LRGUK: variants seen among roughly 807,000 people sequenced by gnomAD.
LRGUK encodes the protein leucine-rich repeat and guanylate kinase domain-containing protein.
A neutral mutation model predicts 76.0 loss-of-function variants in LRGUK; 65 were observed. The observed-to-expected ratio is 0.85, with a 90% CI of 0.70 to 1.05. The LOEUF is 1.05. LRGUK is among the 50% of genes least tolerant of loss of function. The pLI, the probability that LRGUK is intolerant of heterozygous loss-of-function variation, is 0.00. For missense variants in LRGUK, 758 were observed against 732.8 expected, an observed-to-expected ratio of 1.03 and a Z score of -0.40; for synonymous variants, 268 against 265.6, an observed-to-expected ratio of 1.01 and a Z score of -0.09.
At chr7:134,153,015 G>A (rs1798292439) in intron 5 of LRGUK, among the ~76,000 whole-genome samples, 1 of 152,048 alleles carries the variant, frequency 6.6e-6, no homozygotes, top group African/African-American at 2.4e-5. Flanking sequence ...ACACAGGGTA[G>A]ATTTAAGTTG....
chr7:134,151,903 A>T (rs983839479), intron 5 of LRGUK, among the ~76,000 whole-genome samples: 1 of 152,090 alleles, frequency 6.6e-6, no homozygotes, highest in Non-Finnish European at 1.5e-5. Flanking sequence ...TTCATAGAGG[A>T]TGTCTACAAA....
At chr7:134,163,361 T>G in intron 6 of LRGUK, 36 bp from the exon 7 acceptor site, 1 of 1,572,426 alleles carries the variant, frequency 6.4e-7, no homozygotes, top group Non-Finnish European at 8.6e-7. Context: ...CCTTGAGAGG[T>G]CTTTGAGACA....
At chr7:134,259,649 G>C (rs986222730) in intron 19 of LRGUK, among the ~76,000 whole-genome samples, 23 of 152,180 alleles carry the variant, frequency 1.5e-4, no homozygotes, top group African/African-American at 5.3e-4. Context: ...AGGATAGCTG[G>C]CTGGAATAAG....
intron 18 of LRGUK, among the ~76,000 whole-genome samples, chr7:134,256,981 G>A (rs909880175): frequency 6.6e-6 from 1 of 152,154 alleles, no homozygotes; most frequent in Non-Finnish European, 1.5e-5. Flanking sequence ...AATCTTTGGG[G>A]TCCCAAGGTG....
At chr7:134,175,561 G>A (rs1347734207) in intron 8 of LRGUK, among the ~76,000 whole-genome samples, 2 of 152,114 alleles carry the variant, frequency 1.3e-5, no homozygotes, top group Non-Finnish European at 2.9e-5. Flanking sequence ...ATCACAAGCC[G>A]TTTGACACAT....
At chr7:134,255,549 T>A (rs959103840) in intron 18 of LRGUK, among the ~76,000 whole-genome samples, 3 of 152,216 alleles carry the variant, frequency 2.0e-5, no homozygotes, top group Non-Finnish European at 2.9e-5. Context: ...AGACATATTT[T>A]TTGTCTGACT....
chr7:134,171,188 C>G (rs1799226957), intron 7 of LRGUK, among the ~76,000 whole-genome samples: 1 of 150,588 alleles, frequency 6.6e-6, no homozygotes, highest in Non-Finnish European at 1.5e-5. Context: ...AAAACCAATA[C>G]TGAGAAGATC....
chr7:134,150,341 A>G (rs1798163500), intron 5 of LRGUK, among the ~76,000 whole-genome samples: 1 of 152,152 alleles, frequency 6.6e-6, no homozygotes, highest in African/African-American at 2.4e-5. Context: ...ACGTGCCTGT[A>G]GTCCCAGCTA....
chr7:134,258,581 C>A lies in LRGUK; in HGVS notation c.2347+176C>A, dbSNP rs574112338. ...AGGTGTGGTGGTGGGCACCTGTAGTCCCAGCTACTCGGGAGGCTGAGGCAA... is the reference window on the plus strand; with the variant it reads ...AGGTGTGGTGGTGGGCACCTGTAGTACCAGCTACTCGGGAGGCTGAGGCAA... On this transcript the variant is annotated intron_variant, in intron 19 of 19. Coordinates refer to the LRGUK transcript ENST00000285928. Among the ~76,000 whole-genome samples the A allele has an allele frequency of 1.7e-3, 255 of 151,862 alleles. 1 individual carries two copies. The highest frequency in any genetic ancestry group is 5.9e-3 in the African/African-American group (244 of 41,394).
intron 16 of LRGUK, among the ~76,000 whole-genome samples, chr7:134,237,471 C>T (rs1431779832): frequency 7.9e-5 from 12 of 152,108 alleles, no homozygotes; most frequent in African/African-American, 2.7e-4. Flanking sequence ...AAGGATACCA[C>T]CCACCGCATT....
the LRGUK span, among the ~76,000 whole-genome samples, chr7:134,269,799 G>A: frequency 1.3e-5 from 2 of 152,166 alleles, no homozygotes; most frequent in African/African-American, 2.4e-5. Context: ...CAAGGCTGGT[G>A]CGACAGTTGA....
chr7:134,258,685 A>T (rs1802645643), intron 19 of LRGUK, among the ~76,000 whole-genome samples: 1 of 151,810 alleles, frequency 6.6e-6, no homozygotes, highest in Non-Finnish European at 1.5e-5. Context: ...ACAAGAGCAA[A>T]ACTCCGTCTC....
chr7:134,241,987 A>C (rs1278313379), intron 16 of LRGUK, among the ~76,000 whole-genome samples: 1 of 152,230 alleles, frequency 6.6e-6, no homozygotes, highest in Non-Finnish European at 1.5e-5. Context: ...GGCAGAAATA[A>C]AGATGTTCTT....
At chr7:134,151,549 T>A (rs1268180806) in intron 5 of LRGUK, among the ~76,000 whole-genome samples, 1 of 152,106 alleles carries the variant, frequency 6.6e-6, no homozygotes, top group African/African-American at 2.4e-5. Flanking sequence ...ATTAGGTTAC[T>A]TTGATATCTA....
At chr7:134,188,894 C>T (rs571949036) in intron 11 of LRGUK, among the ~76,000 whole-genome samples, 55 of 152,236 alleles carry the variant, frequency 3.6e-4, no homozygotes, top group African/African-American at 1.3e-3. Context: ...AATCTGCATG[C>T]GTCTGAATGA....
chr7:134,172,969 A>G (rs1799320579), intron 7 of LRGUK, among the ~76,000 whole-genome samples: 1 of 152,176 alleles, frequency 6.6e-6, no homozygotes, highest in South Asian at 2.1e-4. Flanking sequence ...CATGGGTGAC[A>G]GAGCAAGAAC....
chr7:134,245,283 C>T (rs750373770), intron 16 of LRGUK, among the ~76,000 whole-genome samples: 1 of 152,204 alleles, frequency 6.6e-6, no homozygotes, highest in Admixed American at 6.5e-5. Context: ...AACCCCTCTT[C>T]TATTTCAGCT....
exon 14 of LRGUK, chr7:134,199,398 A>T (rs1048424557): frequency 6.2e-6 from 10 of 1,613,532 alleles, no homozygotes; most frequent in Non-Finnish European, 6.8e-6. Flanking sequence ...TTTCCGGGAT[A>T]TTTTGATGAG....
intron 16 of LRGUK, among the ~76,000 whole-genome samples, chr7:134,222,621 T>G (rs1219480163): frequency 6.6e-6 from 1 of 152,110 alleles, no homozygotes; most frequent in Non-Finnish European, 1.5e-5. Context: ...TTTTGTTTTT[T>G]TTTTTGAGAC....
Sources: allele counts gnomAD v4.1 joint callset (sites outside exome capture counted in the v4.1 genomes callset), GRCh38; gene constraint gnomAD v4.1.1; transcripts MANE v1.5; gene names NCBI Gene and HGNC (gene_info 2026-07-23, HGNC 2026-07-21).